KLF12: variants seen among roughly 807,000 people sequenced by gnomAD.
The protein encoded by KLF12 is KLF transcription factor 12.
In KLF12, 9 loss-of-function variants were observed where a neutral mutation model predicts 37.8. The observed-to-expected ratio is 0.24, with a 90% CI of 0.14 to 0.42. The LOEUF is 0.42. Among genes scored for constraint, KLF12 ranks in the 10% least tolerant of loss-of-function variants. The pLI is 1.00. For missense variants in KLF12, 411 were observed against 516.0 expected, an observed-to-expected ratio of 0.80 and a Z score of 1.97; for synonymous variants, 208 against 202.1, an observed-to-expected ratio of 1.03 and a Z score of -0.25.
chr13:74,215,832 G>T, the KLF12 span, among the ~76,000 whole-genome samples: 6 of 152,246 alleles, frequency 3.9e-5, no homozygotes, highest in Non-Finnish European at 7.3e-5. Context: ...GTGTCCCACT[G>T]TCCTGAGTGT....
intron 1 of KLF12, among the ~76,000 whole-genome samples, chr13:74,099,151 C>T (rs1411969683): frequency 6.6e-6 from 1 of 152,064 alleles, no homozygotes; most frequent in Non-Finnish European, 1.5e-5. Context: ...AGTTCAAGAC[C>T]AGTCTGGGCA....
In KLF12 at chr13:73,686,835, G is replaced by C. The variant is rs1036961877; in HGVS notation, c.*8655C>G. ...ATGTTTCTGTATTTTCACACGGACA[G>C]ATCTCGTGATCCAATCACCACGTAT... On this transcript the variant is annotated 3_prime_UTR_variant, in exon 8 of 8. Transcript: ENST00000377669. 2.6e-5 allele frequency: 4 copies of C among 152,182 alleles called. No homozygotes were observed. Among genetic ancestry groups the C allele is most frequent in the African/African-American group, 9.7e-5 (4 of 41,426 alleles). 9.4% of individuals were successfully genotyped at this position (152,182 alleles called of 1,614,324 possible). A position where few individuals can be genotyped will look rare whatever the true frequency, so the allele number is the denominator to read the frequency against.
chr13:74,043,204 G>A (rs1893454038), intron 1 of KLF12, among the ~76,000 whole-genome samples: 1 of 152,114 alleles, frequency 6.6e-6, no homozygotes, highest in African/African-American at 2.4e-5. Flanking sequence ...CATGGTCAGA[G>A]GAAAATAAAG....
chr13:73,843,386 C>A (rs988349215), intron 4 of KLF12, among the ~76,000 whole-genome samples: 2 of 151,916 alleles, frequency 1.3e-5, no homozygotes, highest in African/African-American at 4.8e-5. Flanking sequence ...CTCACTGCAA[C>A]CTCCACCTCC....
At chr13:74,295,801 T>C in the KLF12 span, among the ~76,000 whole-genome samples, 1,740 of 152,184 alleles carry the variant, frequency 0.011, 34 homozygotes, top group African/African-American at 0.04. Context: ...CATTTTCTTT[T>C]CTTTTTAAAA....
At chr13:73,867,898 G>A (rs1028952232) in intron 3 of KLF12, among the ~76,000 whole-genome samples, 1 of 151,970 alleles carries the variant, frequency 6.6e-6, no homozygotes, top group Non-Finnish European at 1.5e-5. Context: ...GCGGGTGCCT[G>A]TAATCCCAGC....
At chr13:74,305,765 T>C in the KLF12 span, among the ~76,000 whole-genome samples, 2 of 152,040 alleles carry the variant, frequency 1.3e-5, no homozygotes, top group Non-Finnish European at 2.9e-5. Context: ...TCCTCTGAAG[T>C]GATGATAAAT....
At chr13:74,094,851 C>A (rs1418924043) in intron 1 of KLF12, among the ~76,000 whole-genome samples, 1 of 152,190 alleles carries the variant, frequency 6.6e-6, no homozygotes, top group African/African-American at 2.4e-5. Flanking sequence ...CCACCCACCT[C>A]AGCCTCCCAA....
At chr13:74,202,152 G>A in the KLF12 span, among the ~76,000 whole-genome samples, 1 of 152,254 alleles carries the variant, frequency 6.6e-6, no homozygotes. Context: ...AAGGTCTTTT[G>A]TATTTCCACC....
At chr13:74,073,206 T>C (rs2138715604) in intron 1 of KLF12, among the ~76,000 whole-genome samples, 1 of 152,352 alleles carries the variant, frequency 6.6e-6, no homozygotes, top group South Asian at 2.1e-4. Flanking sequence ...TGGGTACTTC[T>C]TCATAGCAGT....
At chr13:74,184,568 G>C in the KLF12 span, among the ~76,000 whole-genome samples, 2 of 152,194 alleles carry the variant, frequency 1.3e-5, no homozygotes, top group African/African-American at 4.8e-5. Context: ...ATCATGTTTT[G>C]ATGAGAATTT....
At chr13:74,208,780 C>G in the KLF12 span, among the ~76,000 whole-genome samples, 1 of 152,146 alleles carries the variant, frequency 6.6e-6, no homozygotes, top group East Asian at 1.9e-4. Flanking sequence ...TTTGAGGCAG[C>G]TTGGGCAGCA....
the KLF12 span, among the ~76,000 whole-genome samples, chr13:74,217,543 A>T: frequency 3.3e-5 from 5 of 152,156 alleles, no homozygotes; most frequent in Non-Finnish European, 1.5e-5. Context: ...CCTGGCCAAC[A>T]TGGTGAAAGC....
At chr13:73,994,828 G>T (rs1463100451) in intron 2 of KLF12, among the ~76,000 whole-genome samples, 162 bp downstream of exon 2, 1 of 152,092 alleles carries the variant, frequency 6.6e-6, no homozygotes, top group Non-Finnish European at 1.5e-5. Flanking sequence ...TTTTTAAGGG[G>T]CTAAAAGGAA....
intron 1 of KLF12, among the ~76,000 whole-genome samples, chr13:73,999,893 T>C (rs1191781984): frequency 6.6e-6 from 1 of 152,120 alleles, no homozygotes; most frequent in Non-Finnish European, 1.5e-5. Flanking sequence ...CATATTCCAC[T>C]CCATGTGAGA....
chr13:74,191,961 A>AT, the KLF12 span, among the ~76,000 whole-genome samples: 1 of 152,194 alleles, frequency 6.6e-6, no homozygotes, highest in Admixed American at 6.5e-5. Context: ...AATGACTGAG[A>AT]TTTTCTCCTT....
At chr13:73,730,367 T>C (rs181726847) in intron 6 of KLF12, among the ~76,000 whole-genome samples, 167 of 152,208 alleles carry the variant, frequency 1.1e-3, no homozygotes, top group Non-Finnish European at 1.9e-3. Flanking sequence ...TCCAAAAACC[T>C]TGGTGGCAGG....
In KLF12 at chr13:73,747,432, A is replaced by G. The variant is rs765016804; in HGVS notation, c.869+17506T>C. ...GAAAAGGACTGAATGAGAAGGACGCAGTAGATATGTCAAGGTTAGCTTAGT... is the reference window on the plus strand; with the variant it reads ...GAAAAGGACTGAATGAGAAGGACGCGGTAGATATGTCAAGGTTAGCTTAGT... On this transcript the variant is annotated intron_variant, in intron 6 of 7. Coordinates refer to ENST00000377669, the MANE Select transcript of KLF12 (RefSeq NM_007249.5). 3.9e-5 allele frequency among the ~76,000 whole-genome samples: 6 copies of G among 152,256 alleles called. No homozygotes were observed. In the East Asian group the frequency reaches 7.7e-4, roughly 20 times the overall value.
intron 1 of KLF12, among the ~76,000 whole-genome samples, chr13:74,026,382 T>C (rs1434362839): frequency 6.6e-6 from 1 of 152,156 alleles, no homozygotes; most frequent in Admixed American, 6.5e-5. Context: ...CTAACTTATA[T>C]AGTGAAAAAA....
Sources: allele counts gnomAD v4.1 joint callset (sites outside exome capture counted in the v4.1 genomes callset), GRCh38; gene constraint gnomAD v4.1.1; transcripts MANE v1.5; gene names NCBI Gene and HGNC (gene_info 2026-07-23, HGNC 2026-07-21).